KLF12: variants seen among roughly 807,000 people sequenced by gnomAD.
KLF12 encodes the protein Krueppel-like factor 12.
In KLF12, 9 loss-of-function variants were observed where a neutral mutation model predicts 37.8. The ratio of observed to expected loss-of-function variants is 0.24; its 90% CI spans 0.14 to 0.42. The LOEUF (loss-of-function observed/expected upper bound fraction) is 0.42. KLF12 is among the 10% of genes least tolerant of loss of function. The pLI is 1.00. For synonymous variants in KLF12, 208 were observed against 202.1 expected (o/e 1.03, Z -0.25); for missense variants, 411 against 516.0 (o/e 0.80, Z 1.97).
chr13:74,090,988 A>C (rs1875625423), intron 1 of KLF12, among the ~76,000 whole-genome samples: 1 of 152,096 alleles, frequency 6.6e-6, no homozygotes, highest in Non-Finnish European at 1.5e-5. Flanking sequence ...AACTTACTAC[A>C]AAGCATCAAG....
chr13:74,303,164 A>G, the KLF12 span, among the ~76,000 whole-genome samples: 1 of 152,098 alleles, frequency 6.6e-6, no homozygotes, highest in African/African-American at 2.4e-5. Context: ...TATCTAGCCT[A>G]TTCTTCAAGA....
At chr13:74,300,656 G>A in the KLF12 span, among the ~76,000 whole-genome samples, 11 of 152,138 alleles carry the variant, frequency 7.2e-5, no homozygotes, top group South Asian at 2.1e-4. Flanking sequence ...AGAAGTCATC[G>A]CGTATAGCTT....
chr13:74,230,068 T>G, the KLF12 span, among the ~76,000 whole-genome samples: 1 of 152,158 alleles, frequency 6.6e-6, no homozygotes, highest in Non-Finnish European at 1.5e-5. Context: ...TTTGGCTGTG[T>G]CCCCACCCAA....
intron 6 of KLF12, among the ~76,000 whole-genome samples, chr13:73,762,647 G>A (rs1879642680): frequency 6.6e-6 from 1 of 152,156 alleles, no homozygotes; most frequent in Admixed American, 6.6e-5. Flanking sequence ...CCAGAGCCAA[G>A]CTAGTGTTGA....
intron 3 of KLF12, among the ~76,000 whole-genome samples, chr13:73,935,892 G>A (rs1490329478): frequency 2.0e-5 from 3 of 152,122 alleles, no homozygotes; most frequent in East Asian, 1.9e-4. Context: ...GATCACAGGC[G>A]TGAGCACTTG....
At chr13:74,106,660 CG>C (rs1304821090) in intron 1 of KLF12, among the ~76,000 whole-genome samples, 1 of 152,126 alleles carries the variant, frequency 6.6e-6, no homozygotes, top group African/African-American at 2.4e-5. Flanking sequence ...TTCAACAAAA[CG>C]TAACTGCCTA....
At chr13:74,171,906 C>T in the KLF12 span, among the ~76,000 whole-genome samples, 1 of 152,142 alleles carries the variant, frequency 6.6e-6, no homozygotes, top group Non-Finnish European at 1.5e-5. Flanking sequence ...TCAATTCCCT[C>T]CATGTTGAAG....
At chr13:73,836,206 T>C (rs938009639) in intron 4 of KLF12, among the ~76,000 whole-genome samples, 7 of 152,200 alleles carry the variant, frequency 4.6e-5, no homozygotes, top group Middle Eastern at 3.4e-3. Context: ...GAAAGACAAA[T>C]ATCAATTAGT....
At chr13:74,155,832 T>C in the KLF12 span, among the ~76,000 whole-genome samples, 2 of 152,188 alleles carry the variant, frequency 1.3e-5, no homozygotes, top group South Asian at 2.1e-4. Flanking sequence ...AGTGCTGTTG[T>C]TTTTGTGTCA....
chr13:73,848,559 TAATA>T (rs1885149727), intron 3 of KLF12, among the ~76,000 whole-genome samples: 2 of 148,146 alleles, frequency 1.4e-5, no homozygotes, highest in Admixed American at 1.4e-4. Context: ...ATATTATATA[TAATA>T]TATATAACAT....
chr13:73,909,915 T>C (rs191019165), intron 3 of KLF12, among the ~76,000 whole-genome samples: 145 of 152,318 alleles, frequency 9.5e-4, no homozygotes, highest in Non-Finnish European at 1.7e-3. Context: ...AATCACCCTG[T>C]ACGTGTACAT....
At chr13:74,021,646 T>C (rs1220994391) in intron 1 of KLF12, among the ~76,000 whole-genome samples, 1 of 152,132 alleles carries the variant, frequency 6.6e-6, no homozygotes, top group Non-Finnish European at 1.5e-5. Flanking sequence ...TGTATTTACA[T>C]CAAGGAAGTC....
At chr13:73,894,978 C>G (rs901896971) in intron 3 of KLF12, among the ~76,000 whole-genome samples, 2 of 151,946 alleles carry the variant, frequency 1.3e-5, no homozygotes, top group African/African-American at 4.8e-5. Flanking sequence ...TCTCTTAATC[C>G]TCCTATATTT....
At chr13:74,023,048 C>G (rs760029900) in intron 1 of KLF12, among the ~76,000 whole-genome samples, 4 of 151,946 alleles carry the variant, frequency 2.6e-5, no homozygotes, top group Non-Finnish European at 5.9e-5. Flanking sequence ...TCTTACTCTT[C>G]CCTCTGCACT....
intron 5 of KLF12, among the ~76,000 whole-genome samples, chr13:73,780,856 G>T (rs1016544457): frequency 6.6e-6 from 1 of 152,236 alleles, no homozygotes; most frequent in African/African-American, 2.4e-5. Context: ...GACAACAAAG[G>T]ATTTAGAAGA....
chr13:73,798,653 A>T (rs1882124176), intron 5 of KLF12, among the ~76,000 whole-genome samples: 1 of 152,204 alleles, frequency 6.6e-6, no homozygotes, highest in Non-Finnish European at 1.5e-5. Context: ...ACCAGCAAAC[A>T]TATTGAAAAA....
At chr13:74,220,195 T>A in the KLF12 span, among the ~76,000 whole-genome samples, 1 of 152,218 alleles carries the variant, frequency 6.6e-6, no homozygotes, top group Non-Finnish European at 1.5e-5. Context: ...TGCTGTTAAA[T>A]TCATGTTTTA....
At chr13:74,111,752 A>G (rs1416579703) in intron 1 of KLF12, among the ~76,000 whole-genome samples, 1 of 152,234 alleles carries the variant, frequency 6.6e-6, no homozygotes, top group East Asian at 1.9e-4. Flanking sequence ...ACTATGAGTT[A>G]CTAAACCAGA....
At chr13:73,720,196 C>T (rs1338178076) in intron 6 of KLF12, among the ~76,000 whole-genome samples, 2 of 152,044 alleles carry the variant, frequency 1.3e-5, no homozygotes, top group East Asian at 3.9e-4. Flanking sequence ...CCATCTCACT[C>T]GAGGGCTGTC....
Sources: allele counts gnomAD v4.1 joint callset (sites outside exome capture counted in the v4.1 genomes callset), GRCh38; gene constraint gnomAD v4.1.1; transcripts MANE v1.5; gene names NCBI Gene and HGNC (gene_info 2026-07-23, HGNC 2026-07-21).